Variants in CNOT6 observed in about 807,000 individuals in gnomAD.
CNOT6 encodes the protein CCR4-NOT transcription complex subunit 6.
In CNOT6, 12 loss-of-function variants were observed where a neutral mutation model predicts 61.2. That is an observed-to-expected ratio of 0.20 (90% CI 0.13 to 0.32). The LOEUF (loss-of-function observed/expected upper bound fraction) is 0.32. Ranked by LOEUF, CNOT6 falls within the 10% of genes least tolerant of loss-of-function variation. The probability of loss-of-function intolerance (pLI) is 1.00; values close to 1 mark genes in which losing one functional copy is unlikely to be tolerated. For synonymous variants in CNOT6, 225 were observed against 240.6 expected, an observed-to-expected ratio of 0.94 and a Z score of 0.60; for missense variants, 405 against 663.9, an observed-to-expected ratio of 0.61 and a Z score of 4.28.
intron 2 of CNOT6, among the ~76,000 whole-genome samples, chr5:180,531,383 C>T (rs2127722706): frequency 6.8e-6 from 1 of 146,616 alleles, no homozygotes; most frequent in Non-Finnish European, 1.5e-5. Context: ...TCACATCCCA[C>T]ACGGGGCGGC....
chr5:180,533,009 G>A (rs1012447686), intron 2 of CNOT6, among the ~76,000 whole-genome samples: 3 of 152,092 alleles, frequency 2.0e-5, no homozygotes, highest in Non-Finnish European at 4.4e-5. Context: ...CTGTTCTTTC[G>A]GGTTTTTATG....
Position 180,506,220 on chromosome 5 carries a change from TA to T in CNOT6, c.-3+11460del, listed in dbSNP as rs537806056. Among the ~76,000 whole-genome samples the T allele has an allele frequency of 6.6e-5, 10 of 152,302 alleles. No individual in the cohort carries two copies. In the South Asian group the frequency reaches 1.2e-3, roughly 19 times the overall value. On this transcript the variant is annotated intron_variant, in intron 1 of 11. Coordinates refer to ENST00000261951, the MANE Select transcript of CNOT6 (RefSeq NM_001370472.1). ...GGTCTCAGTTTCGTCTTCTATAAGA[TA>T]AAGGTAGAATCTACCTCATGGGTTG... is the stretch of plus-strand genomic sequence containing the variant.
At chr5:180,514,295 G>A (rs10079660) in intron 1 of CNOT6, among the ~76,000 whole-genome samples, 37,368 of 152,004 alleles carry the variant, frequency 0.25, 5,307 homozygotes, top group East Asian at 0.5. Context: ...GTTGGGGGGC[G>A]CCTGTAATCC....
At chr5:180,529,868 C>T (rs1284793406) in intron 2 of CNOT6, among the ~76,000 whole-genome samples, 2 of 152,064 alleles carry the variant, frequency 1.3e-5, no homozygotes, top group Non-Finnish European at 2.9e-5. Context: ...CTGAGGACAG[C>T]CTTATTCAGA....
chr5:180,507,772 A>C (rs1378990911), intron 1 of CNOT6, among the ~76,000 whole-genome samples: 1 of 136,996 alleles, frequency 7.3e-6, no homozygotes, highest in African/African-American at 2.6e-5. Context: ...CAGGCTGTGC[A>C]GGAAACGTGG....
At chr5:180,542,944 C>G (rs1178132824) in intron 2 of CNOT6, among the ~76,000 whole-genome samples, 1 of 152,096 alleles carries the variant, frequency 6.6e-6, no homozygotes, top group Non-Finnish European at 1.5e-5. Flanking sequence ...AAATTAGGAT[C>G]CTTAATTTCT....
chr5:180,535,346 T>C (rs1473765960), intron 2 of CNOT6, among the ~76,000 whole-genome samples: 7 of 152,352 alleles, frequency 4.6e-5, no homozygotes, highest in South Asian at 4.1e-4. Context: ...TCAGTGTCTG[T>C]TTTTCCATTC....
Position 180,550,142 on chromosome 5 carries a change from A to G in CNOT6, c.299+25A>G, listed in dbSNP as rs191877819. The G allele has an allele frequency of 3.8e-6, 6 of 1,593,462 alleles. No homozygotes were observed. The East Asian group carries it at 1.1e-4, about 30-fold the overall frequency. ...GGTATGCAGATTCAACTTAATACAT[A>G]CTAGCTATATGACCCCTAAAACAAA... is the stretch of plus-strand genomic sequence containing the variant. On this transcript the variant is annotated intron_variant, in intron 3 of 11. Coordinates refer to ENST00000261951, the MANE Select transcript of CNOT6 (RefSeq NM_001370472.1).
intron 1 of CNOT6, among the ~76,000 whole-genome samples, chr5:180,519,645 A>G (rs941279991): frequency 3.3e-5 from 5 of 152,162 alleles, no homozygotes; most frequent in Non-Finnish European, 7.3e-5. Flanking sequence ...GAATATTTCC[A>G]TCACTATAGG....
At chr5:180,565,505 TAGA>T (rs1261592434) in intron 6 of CNOT6, among the ~76,000 whole-genome samples, 2 of 152,196 alleles carry the variant, frequency 1.3e-5, no homozygotes, top group Non-Finnish European at 2.9e-5. Flanking sequence ...GGTAGCATGG[TAGA>T]AGGAGTATAG....
intron 4 of CNOT6, among the ~76,000 whole-genome samples, chr5:180,562,703 G>A (rs940664894): frequency 2.0e-5 from 3 of 152,070 alleles, no homozygotes; most frequent in African/African-American, 7.2e-5. Context: ...TGGTGCCACT[G>A]CACTCCAGCC....
At chr5:180,524,337 C>T (rs1758000802) in intron 1 of CNOT6, among the ~76,000 whole-genome samples, 1 of 152,136 alleles carries the variant, frequency 6.6e-6, no homozygotes, top group Non-Finnish European at 1.5e-5. Flanking sequence ...TTCCTATATC[C>T]TTTCCTTTAC....
chr5:180,554,082 C>G (rs755416269), intron 4 of CNOT6, among the ~76,000 whole-genome samples: 2 of 152,182 alleles, frequency 1.3e-5, no homozygotes, highest in Non-Finnish European at 2.9e-5. Context: ...GCCTACTGTA[C>G]AGTTGCTTCT....
intron 6 of CNOT6, 140 bp downstream of exon 6, chr5:180,564,883 A>G: frequency 3.0e-6 from 2 of 658,778 alleles, no homozygotes; most frequent in South Asian, 1.9e-5. Flanking sequence ...ATAAAAAAGA[A>G]TTCTTGCTCA....
chr5:180,505,177 G>T (rs549929487), intron 1 of CNOT6, among the ~76,000 whole-genome samples: 1 of 144,104 alleles, frequency 6.9e-6, no homozygotes, highest in East Asian at 2.0e-4. Context: ...AGCCATCCTG[G>T]TCTCCATCTC....
intron 1 of CNOT6, among the ~76,000 whole-genome samples, chr5:180,505,119 C>G (rs1169463259): frequency 2.0e-5 from 3 of 150,986 alleles, no homozygotes; most frequent in African/African-American, 7.3e-5. Flanking sequence ...CCACCACACC[C>G]AGCTAATTTT....
intron 4 of CNOT6, among the ~76,000 whole-genome samples, chr5:180,556,631 C>T (rs1410516101): frequency 6.6e-6 from 1 of 152,194 alleles, no homozygotes; most frequent in Non-Finnish European, 1.5e-5. Flanking sequence ...CCTGCCCCAG[C>T]TCACTGCTTC....
chr5:180,519,952 G>A (rs1757811053), intron 1 of CNOT6, among the ~76,000 whole-genome samples: 1 of 151,178 alleles, frequency 6.6e-6, no homozygotes, highest in South Asian at 2.1e-4. Context: ...TCCTGCCTTA[G>A]CCCCTTGAGT....
chr5:180,536,530 A>C (rs1561646994), intron 2 of CNOT6, among the ~76,000 whole-genome samples: 1 of 147,424 alleles, frequency 6.8e-6, no homozygotes, highest in East Asian at 2.0e-4. Context: ...ATAATCTCAA[A>C]CTCCTGAGCT....
Sources: gnomAD v4.1 joint callset for allele counts (sites outside exome capture counted in the v4.1 genomes callset) on GRCh38, gnomAD v4.1.1 for gene constraint, MANE v1.5 for transcripts, NCBI Gene and HGNC (gene_info 2026-07-23, HGNC 2026-07-21) for gene names.